Variants in SPTY2D1 observed in about 807,000 individuals in gnomAD.
The protein encoded by SPTY2D1 is SPT2 chromatin protein domain containing 1.
SPTY2D1 carries 21 observed loss-of-function variants against 64.0 expected under a neutral mutation model. That is an observed-to-expected ratio of 0.33 (90% CI 0.23 to 0.47). The LOEUF is 0.47. Among genes scored for constraint, SPTY2D1 ranks in the 20% least tolerant of loss-of-function variants. SPTY2D1 has a pLI of 1.00. For synonymous variants in SPTY2D1, 287 were observed against 286.8 expected (o/e 1.00, Z -0.01); for missense variants, 724 against 837.2 (o/e 0.86, Z 1.67).
intron 1 of SPTY2D1, among the ~76,000 whole-genome samples, chr11:18,631,804 A>G (rs1389331595): frequency 6.6e-6 from 1 of 152,192 alleles, no homozygotes; most frequent in Non-Finnish European, 1.5e-5. Flanking sequence ...CTGATAAGGA[A>G]AAAGTAAATA....
rs1342381577 is a variant in SPTY2D1, at chr11:18,612,597, A to G, written c.1712-109T>C. 9.9e-7 allele frequency: 1 copy of G among 1,010,436 alleles called. No homozygotes were observed. The highest frequency in any genetic ancestry group is 1.4e-6 in the Non-Finnish European group (1 of 731,882). The allele number at this position is 1,010,436 out of a possible 1,614,324, so 62.6% of individuals were successfully genotyped here. A position where few individuals can be genotyped will look rare whatever the true frequency, so the allele number is the denominator to read the frequency against. Reference sequence around the variant, plus strand: ...TTAAGATGGTATCCTTTAAAACCAGAGCAAGCAGGCTGGCCCTTAGCGCAG... The same window carrying G: ...TTAAGATGGTATCCTTTAAAACCAGGGCAAGCAGGCTGGCCCTTAGCGCAG... On this transcript the variant is annotated intron_variant, in intron 3 of 5. Coordinates refer to ENST00000336349, the MANE Select transcript of SPTY2D1 (RefSeq NM_194285.3). This position sits in a 1 kb window ranked among gnomAD's most constrained non-coding sequence, Gnocchi z 4.6.
At chr11:18,611,644 T>C in intron 4 of SPTY2D1, 90 bp from the exon 5 acceptor site, 2 of 1,037,638 alleles carry the variant, frequency 1.9e-6, no homozygotes, top group East Asian at 2.4e-5. Flanking sequence ...AATATCTCCT[T>C]TAAAACTAAA....
At chr11:18,625,206 A>G (rs1388310508) in intron 1 of SPTY2D1, among the ~76,000 whole-genome samples, 2 of 152,224 alleles carry the variant, frequency 1.3e-5, no homozygotes, top group Non-Finnish European at 2.9e-5. Context: ...TCAGAACATC[A>G]GAGTCAGAGA....
intron 5 of SPTY2D1, chr11:18,610,190 A>C (rs1468498923): frequency 2.4e-6 from 1 of 413,840 alleles, no homozygotes; most frequent in African/African-American, 2.0e-5. Flanking sequence ...ATTTCCATTA[A>C]AATAATAAAA....
At chr11:18,622,190 T>TA (rs1213752347) in intron 1 of SPTY2D1, among the ~76,000 whole-genome samples, 3 of 147,864 alleles carry the variant, frequency 2.0e-5, no homozygotes, top group Non-Finnish European at 4.5e-5. Flanking sequence ...GTTCACAACC[T>TA]AAAAAAAAGA....
intron 1 of SPTY2D1, among the ~76,000 whole-genome samples, 196 bp from the exon 2 acceptor site, chr11:18,617,185 G>A (rs1854312657): frequency 6.6e-6 from 1 of 151,996 alleles, no homozygotes; most frequent in Non-Finnish European, 1.5e-5. Flanking sequence ...GTGATTTTGG[G>A]GTACAAAGTT....
intron 1 of SPTY2D1, among the ~76,000 whole-genome samples, chr11:18,625,944 T>C (rs1039163698): frequency 1.3e-5 from 2 of 151,766 alleles, no homozygotes; most frequent in Non-Finnish European, 2.9e-5. Flanking sequence ...GCCTCCCAAG[T>C]AGCTGGGACT....
chr11:18,625,272 T>G (rs1422793567), intron 1 of SPTY2D1, among the ~76,000 whole-genome samples: 1 of 152,220 alleles, frequency 6.6e-6, no homozygotes, highest in African/African-American at 2.4e-5. Flanking sequence ...GCTGGATGGC[T>G]AAGAGGATAA....
chr11:18,633,101 T>G (rs975297942), intron 1 of SPTY2D1, among the ~76,000 whole-genome samples: 1 of 152,028 alleles, frequency 6.6e-6, no homozygotes, highest in Non-Finnish European at 1.5e-5. Flanking sequence ...GATGGCTGTG[T>G]GTGTGTATAT....
At chr11:18,614,527 C>T (rs753932650) in intron 3 of SPTY2D1, 36 bp downstream of exon 3, 10 of 1,554,208 alleles carry the variant, frequency 6.4e-6, no homozygotes, top group Non-Finnish European at 8.7e-6. Context: ...TTCCTAATGA[C>T]AAATATATAC....
intron 1 of SPTY2D1, among the ~76,000 whole-genome samples, chr11:18,625,613 T>G (rs1854482695): frequency 6.6e-6 from 1 of 151,578 alleles, no homozygotes; most frequent in Non-Finnish European, 1.5e-5. Flanking sequence ...GCGGCTGGAG[T>G]ACAGTGGCAT....
chr11:18,632,477 T>C (rs1259913958), intron 1 of SPTY2D1, among the ~76,000 whole-genome samples: 2 of 152,018 alleles, frequency 1.3e-5, no homozygotes, highest in East Asian at 1.9e-4. Flanking sequence ...GCCTCCCAAG[T>C]AGCTGGGATT....
chr11:18,615,131 C>G lies in SPTY2D1; in HGVS notation c.1143G>C (p.Gln381His). Residue 381 changes from glutamine (Q) to histidine (H), a missense_variant, in exon 3 of 6, where the codon CAG (glutamine) becomes CAC (histidine). Transcript: ENST00000336349. ...PGSSSSSAPG[Q>H]PSTGVARPTV... ...TGGGTCGAGCAACCCCTGTGCTGGG[C>G]TGCCCAGGGGCTGAGCTAGAGCTGC... is the stretch of plus-strand genomic sequence containing the variant. The G allele has an allele frequency of 6.2e-7, 1 of 1,614,226 alleles. No individual in the cohort carries two copies. The highest frequency in any genetic ancestry group is 8.5e-7 in the Non-Finnish European group (1 of 1,180,052).
At chr11:18,631,819 A>C (rs1459177641) in intron 1 of SPTY2D1, among the ~76,000 whole-genome samples, 2 of 152,218 alleles carry the variant, frequency 1.3e-5, no homozygotes, top group African/African-American at 4.8e-5. Flanking sequence ...TAAATAGAAC[A>C]GTTAGATGAA....
At chr11:18,625,756 T>TG (rs61312206) in intron 1 of SPTY2D1, among the ~76,000 whole-genome samples, 94 of 147,102 alleles carry the variant, frequency 6.4e-4, no homozygotes, top group Non-Finnish European at 7.6e-4. Flanking sequence ...TTGTAGAGAT[T>TG]GGGGGGGGGG....
rs1293070600 is a variant in SPTY2D1, at chr11:18,614,862, C to T, written c.1412G>A (p.Ser471Asn). 2 of 1,613,808 alleles carry T rather than the reference C, an allele frequency of 1.2e-6. No individual in the cohort carries two copies. Among genetic ancestry groups the T allele is most frequent in the Non-Finnish European group, 1.7e-6 (2 of 1,179,846 alleles). The part of the protein sequence containing the change: ...SSRGPGRPVS[S>N]PHELRRPVSG... ...CACTGGTCGTCGAAGTTCATGTGGA[C>T]TGCTCACAGGCCGGCCAGGGCCACG... Residue 471 changes from serine (S) to asparagine (N), a missense_variant, in exon 3 of 6, where the codon AGT (serine) becomes AAT (asparagine). Physicochemically the swap from Ser to Asn is conservative, Grantham distance 46. Coordinates refer to ENST00000336349, the MANE Select transcript of SPTY2D1 (RefSeq NM_194285.3).
At chr11:18,632,467 G>C (rs1217566708) in intron 1 of SPTY2D1, among the ~76,000 whole-genome samples, 1 of 151,680 alleles carries the variant, frequency 6.6e-6, no homozygotes, top group Non-Finnish European at 1.5e-5. Flanking sequence ...TTCTGTCTCA[G>C]CCTCCCAAGT....
In SPTY2D1 at chr11:18,612,555, G is replaced by T; in HGVS notation, c.1712-67C>A. 7.4e-7 allele frequency: 1 copy of T among 1,353,762 alleles called. No homozygotes were observed. The highest frequency in any genetic ancestry group is 9.9e-7 in the Non-Finnish European group (1 of 1,014,104). 83.9% of individuals were successfully genotyped at this position (1,353,762 alleles called of 1,614,324 possible). A position where few individuals can be genotyped will look rare whatever the true frequency, so the allele number is the denominator to read the frequency against. On this transcript the variant is annotated intron_variant, in intron 3 of 5. Coordinates refer to ENST00000336349, the MANE Select transcript of SPTY2D1 (RefSeq NM_194285.3). This position sits in a 1 kb window ranked among gnomAD's most constrained non-coding sequence, Gnocchi z 4.6. ...GTTCCAATGCAGTTCTATGTAAACT[G>T]AAATTGTGAGTCATCATTAAGATGG...
intron 1 of SPTY2D1, among the ~76,000 whole-genome samples, chr11:18,619,812 C>T (rs982664304): frequency 6.6e-6 from 1 of 152,098 alleles, no homozygotes; most frequent in African/African-American, 2.4e-5. Context: ...CATAGAGTTA[C>T]AAAGCCCCAT....
Sources: gnomAD v4.1 joint callset for allele counts (sites outside exome capture counted in the v4.1 genomes callset) on GRCh38, gnomAD v4.1.1 for gene constraint, Gnocchi (gnomAD v3.1) non-coding constraint, MANE v1.5 for transcripts, NCBI Gene and HGNC (gene_info 2026-07-23, HGNC 2026-07-21) for gene names.